Variants in MPPED2 observed in about 807,000 individuals in gnomAD.
MPPED2 encodes metallophosphoesterase domain containing 2, also known as metallophosphoesterase MPPED2.
In MPPED2, 5 loss-of-function variants were observed where a neutral mutation model predicts 33.0. That is an observed-to-expected ratio of 0.15 (90% CI 0.08 to 0.32). The LOEUF (loss-of-function observed/expected upper bound fraction) is 0.32, where lower values mean the gene tolerates loss of function less well. Ranked by LOEUF, MPPED2 falls within the 10% of genes least tolerant of loss-of-function variation. The pLI, the probability that MPPED2 is intolerant of heterozygous loss-of-function variation, is 1.00. For synonymous variants in MPPED2, 136 were observed against 141.9 expected (o/e 0.96, Z 0.29); for missense variants, 275 against 372.1 (o/e 0.74, Z 2.15).
chr11:30,387,111 C>T (rs934591241), exon 7 of MPPED2: 60 of 210,944 alleles, frequency 2.8e-4, no homozygotes, highest in Non-Finnish European at 4.8e-4. Context: ...CTCAATACTA[C>T]AATTAATTAC....
At chr11:30,574,836 GAAAGTA>G in intron 2 of MPPED2, among the ~76,000 whole-genome samples, 1 of 152,206 alleles carries the variant, frequency 6.6e-6, no homozygotes, top group Admixed American at 6.5e-5. Context: ...CAAATTATAT[GAAAGTA>G]TAAGAAATAA....
chr11:30,582,554 G>C (rs763229846), intron 1 of MPPED2, among the ~76,000 whole-genome samples: 3 of 152,124 alleles, frequency 2.0e-5, no homozygotes, highest in Non-Finnish European at 4.4e-5. Context: ...AATGTTTCTG[G>C]AGTAAACACA....
At position 30,410,413 on chromosome 11, in the gene MPPED2, T is replaced by C; in HGVS notation, c.*1055A>G. 2.0e-6 allele frequency: 2 copies of C among 985,656 alleles called. No homozygotes were observed. Among genetic ancestry groups the C allele is most frequent in the Non-Finnish European group, 2.4e-6 (2 of 829,860 alleles). The allele number at this position is 985,656 out of a possible 1,614,324, so 61.1% of individuals were successfully genotyped here. ...GACAATATTTTGTGCTAGCGAAGAT[T>C]GCATCGACACACAGTGCAAAATGGG... On this transcript the variant is annotated 3_prime_UTR_variant, in exon 7 of 7. Coordinates refer to ENST00000358117, the MANE Select transcript of MPPED2 (RefSeq NM_001584.3).
intron 3 of MPPED2, among the ~76,000 whole-genome samples, chr11:30,505,603 A>T (rs1048942319): frequency 6.6e-6 from 1 of 152,244 alleles, no homozygotes; most frequent in Non-Finnish European, 1.5e-5. Flanking sequence ...TTTATACAAC[A>T]AATTCGATCT....
At chr11:30,513,656 C>G (rs1194882858) in intron 3 of MPPED2, among the ~76,000 whole-genome samples, 1 of 152,156 alleles carries the variant, frequency 6.6e-6, no homozygotes, top group Non-Finnish European at 1.5e-5. Context: ...GACCACATAA[C>G]AGGAACCTGT....
chr11:30,474,225 G>C (rs1321004201), intron 4 of MPPED2, among the ~76,000 whole-genome samples: 1 of 152,166 alleles, frequency 6.6e-6, no homozygotes, highest in Non-Finnish European at 1.5e-5. Flanking sequence ...ACGGTTGAGA[G>C]TGTTCTAGCT....
chr11:30,566,069 TCGCC>T (rs1956428952), intron 2 of MPPED2, among the ~76,000 whole-genome samples: 1 of 152,160 alleles, frequency 6.6e-6, no homozygotes, highest in African/African-American at 2.4e-5. Context: ...AAAAACTGGT[TCGCC>T]TTATTCAAAA....
intron 2 of MPPED2, among the ~76,000 whole-genome samples, chr11:30,545,642 C>T (rs982737080): frequency 6.6e-6 from 1 of 152,042 alleles, no homozygotes; most frequent in Non-Finnish European, 1.5e-5. Flanking sequence ...ACCCTTACAG[C>T]GATAGGCTCT....
At chr11:30,513,836 A>G (rs1210637409) in intron 3 of MPPED2, among the ~76,000 whole-genome samples, 1 of 152,082 alleles carries the variant, frequency 6.6e-6, no homozygotes, top group African/African-American at 2.4e-5. Flanking sequence ...TTTCAGGATG[A>G]AAATAGGAAA....
chr11:30,541,930 A>C (rs1346499758), intron 2 of MPPED2, among the ~76,000 whole-genome samples: 1 of 152,180 alleles, frequency 6.6e-6, no homozygotes, highest in Non-Finnish European at 1.5e-5. Context: ...ATGTGATATC[A>C]AGGCTTTCCT....
At chr11:30,538,380 A>G (rs1359018367) in intron 2 of MPPED2, among the ~76,000 whole-genome samples, 1 of 152,172 alleles carries the variant, frequency 6.6e-6, no homozygotes, top group Non-Finnish European at 1.5e-5. Context: ...AAAGTAGCAC[A>G]GATGTAAACC....
chr11:30,552,370 A>G (rs1160506679), intron 2 of MPPED2, among the ~76,000 whole-genome samples: 2 of 152,228 alleles, frequency 1.3e-5, no homozygotes, highest in African/African-American at 4.8e-5. Flanking sequence ...TATGTAATAT[A>G]TGCTTACTAA....
chr11:30,561,915 A>G (rs541773961), intron 2 of MPPED2, among the ~76,000 whole-genome samples: 1 of 152,120 alleles, frequency 6.6e-6, no homozygotes, highest in South Asian at 2.1e-4. Context: ...ACAAACAGTA[A>G]CCTCTGTGAA....
At chr11:30,474,480 G>A (rs1340655972) in intron 4 of MPPED2, among the ~76,000 whole-genome samples, 1 of 152,114 alleles carries the variant, frequency 6.6e-6, no homozygotes, top group Non-Finnish European at 1.5e-5. Context: ...GTTAATTTGT[G>A]TGGTACCGAT....
At chr11:30,438,243 G>C (rs1949410440) in intron 4 of MPPED2, among the ~76,000 whole-genome samples, 1 of 152,208 alleles carries the variant, frequency 6.6e-6, no homozygotes, top group South Asian at 2.1e-4. Context: ...AGTGTGGTGA[G>C]TGAGCATGGA....
At chr11:30,429,040 T>C (rs1020238758) in intron 4 of MPPED2, 2 of 152,132 alleles carry the variant, frequency 1.3e-5, no homozygotes, top group African/African-American at 4.8e-5. Context: ...TTGATATGGG[T>C]GGGCCAACTG....
At chr11:30,466,213 G>C (rs1178369889) in intron 4 of MPPED2, among the ~76,000 whole-genome samples, 1 of 152,172 alleles carries the variant, frequency 6.6e-6, no homozygotes. Context: ...CTAAGCTTCT[G>C]ACCTACAAAT....
At chr11:30,417,296 AC>A (rs1285956708) in intron 5 of MPPED2, among the ~76,000 whole-genome samples, 1 of 152,108 alleles carries the variant, frequency 6.6e-6, no homozygotes, top group Non-Finnish European at 1.5e-5. Flanking sequence ...TTTTTCCCTG[AC>A]TTGACTAAAT....
chr11:30,425,482 C>G (rs1365677904), intron 4 of MPPED2: 1 of 152,148 alleles, frequency 6.6e-6, no homozygotes, highest in Admixed American at 6.5e-5. Context: ...TAAACAAGTT[C>G]ATAGCAGGAA....
Sources: gnomAD v4.1 joint callset for allele counts (sites outside exome capture counted in the v4.1 genomes callset) on GRCh38, gnomAD v4.1.1 for gene constraint, MANE v1.5 for transcripts, NCBI Gene and HGNC (gene_info 2026-07-23, HGNC 2026-07-21) for gene names.